DCC: variants seen among roughly 807,000 people sequenced by gnomAD.
DCC encodes netrin receptor DCC.
In DCC, 58 loss-of-function variants were observed where a neutral mutation model predicts 172.5. The ratio of observed to expected loss-of-function variants is 0.34; its 90% CI spans 0.27 to 0.42. The LOEUF is 0.42. Among genes scored for constraint, DCC ranks in the 10% least tolerant of loss-of-function variants. The probability of loss-of-function intolerance (pLI) is 1.00; values close to 1 mark genes in which losing one functional copy is unlikely to be tolerated. For synonymous variants in DCC, 709 were observed against 644.5 expected, an observed-to-expected ratio of 1.10 and a Z score of -1.52; for missense variants, 1,740 against 1,791.0, an observed-to-expected ratio of 0.97 and a Z score of 0.51.
At chr18:52,794,147 A>T (rs2145212169) in intron 2 of DCC, among the ~76,000 whole-genome samples, 1 of 152,046 alleles carries the variant, frequency 6.6e-6, no homozygotes, top group Middle Eastern at 3.4e-3. Context: ...TTGTGTTTCC[A>T]CATAAATTTT....
intron 1 of DCC, among the ~76,000 whole-genome samples, chr18:52,528,926 C>A (rs1233093426): frequency 6.6e-6 from 1 of 152,034 alleles, no homozygotes; most frequent in Non-Finnish European, 1.5e-5. Context: ...GAGTTACATG[C>A]CCAATACTTA....
At chr18:52,945,974 A>G (rs1486457197) in intron 5 of DCC, among the ~76,000 whole-genome samples, 1 of 152,180 alleles carries the variant, frequency 6.6e-6, no homozygotes, top group Non-Finnish European at 1.5e-5. Flanking sequence ...GGCCGGGGCT[A>G]AGGGGCAACT....
chr18:52,970,461 T>A (rs2041012068), intron 5 of DCC, among the ~76,000 whole-genome samples: 1 of 152,158 alleles, frequency 6.6e-6, no homozygotes, highest in Non-Finnish European at 1.5e-5. Context: ...ATAAAATGAT[T>A]TCTAAGTATG....
intron 1 of DCC, among the ~76,000 whole-genome samples, chr18:52,492,351 A>G (rs1397192818): frequency 1.3e-5 from 2 of 151,958 alleles, no homozygotes; most frequent in Non-Finnish European, 2.9e-5. Flanking sequence ...ACTCTACAAT[A>G]TTGATAAGAG....
chr18:52,655,034 G>T (rs2035218667), intron 1 of DCC, among the ~76,000 whole-genome samples: 1 of 152,116 alleles, frequency 6.6e-6, no homozygotes, highest in Non-Finnish European at 1.5e-5. Flanking sequence ...TTCCAAAGGT[G>T]AATGTACCAA....
At chr18:53,042,156 CT>C (rs1218129269) in intron 5 of DCC, among the ~76,000 whole-genome samples, 7 of 151,812 alleles carry the variant, frequency 4.6e-5, no homozygotes, top group Admixed American at 4.6e-4. Context: ...ATAAATAGAT[CT>C]TATTATTTTG....
At chr18:53,320,775 C>A (rs991474257) in intron 13 of DCC, among the ~76,000 whole-genome samples, 1 of 152,104 alleles carries the variant, frequency 6.6e-6, no homozygotes, top group Non-Finnish European at 1.5e-5. Context: ...GCTTCAGGTA[C>A]TATTGTGGGC....
rs141970845 is a variant in DCC at position 52,969,059 on chromosome 18, T to C, written c.985+43689T>C. 1.5e-3 allele frequency among the ~76,000 whole-genome samples: 236 copies of C among 152,274 alleles called. 2 individuals are homozygous for C. The highest frequency in any genetic ancestry group is 5.4e-3 in the African/African-American group (224 of 41,568). On this transcript the variant is annotated intron_variant, in intron 5 of 28. Coordinates refer to ENST00000442544, the MANE Select transcript of DCC (RefSeq NM_005215.4). ...CCTGGTCTCACTTTTCTTCTTCCTC[T>C]AGTAGCCCATCTCTAGTTATTCTTG...
intron 12 of DCC, among the ~76,000 whole-genome samples, chr18:53,218,588 A>T (rs2055887028): frequency 2.0e-5 from 3 of 152,156 alleles, no homozygotes; most frequent in African/African-American, 7.2e-5. Flanking sequence ...AACTATGAAC[A>T]CAAGTTTTTT....
intron 9 of DCC, among the ~76,000 whole-genome samples, chr18:53,181,915 A>G (rs144311619): frequency 2.1e-4 from 32 of 152,304 alleles, no homozygotes; most frequent in African/African-American, 7.5e-4. Context: ...TACCTAGTTA[A>G]TTTCTTATGC....
In DCC at chr18:53,429,054, TTATATATTTTATATATAA is replaced by T. The variant is rs1224829023; in HGVS notation, c.3164-6074_3164-6057del. On this transcript the variant is annotated intron_variant, in intron 21 of 28. Transcript: ENST00000442544. ...TAATATATATTTTATATATAATATA[TTATATATTTTATATATAA>T]TATATATTTTATATAATATATATTT... Among the ~76,000 whole-genome samples, 311 of 35,072 alleles carry T rather than the reference TTATATATTTTATATATAA, an allele frequency of 8.9e-3. 16 individuals carry two copies. Among genetic ancestry groups the T allele is most frequent in the Middle Eastern group, 0.019 (1 of 52 alleles). The allele number at this position is 35,072 out of a possible 152,430, so 23.0% of individuals were successfully genotyped here.
intron 2 of DCC, among the ~76,000 whole-genome samples, chr18:52,759,371 G>C (rs973952509): frequency 3.9e-5 from 6 of 152,094 alleles, no homozygotes; most frequent in African/African-American, 1.2e-4. Context: ...AACTTGACAA[G>C]GCTTTTTATA....
intron 1 of DCC, among the ~76,000 whole-genome samples, chr18:52,369,965 T>C (rs1026571251): frequency 3.9e-5 from 6 of 152,154 alleles, no homozygotes; most frequent in African/African-American, 1.2e-4. Flanking sequence ...CAGAGCTAAT[T>C]GCAGAAAAGA....
chr18:52,909,276 A>G (rs1157527934), intron 3 of DCC, among the ~76,000 whole-genome samples: 5 of 152,178 alleles, frequency 3.3e-5, no homozygotes, highest in Admixed American at 2.6e-4. Flanking sequence ...ATACATGCAC[A>G]TATACAAACA....
rs530029804 is a variant in DCC at position 52,448,202 on chromosome 18, G to A, written c.91+107324G>A. ...GAACCCTACTGTGAACTGCACATTC[G>A]AGGGATCGACATTGTGTGCTCCTTA... On this transcript the variant is annotated intron_variant, in intron 1 of 28. Coordinates refer to ENST00000442544, the MANE Select transcript of DCC (RefSeq NM_005215.4). Among the ~76,000 whole-genome samples the A allele has an allele frequency of 3.3e-5, 5 of 152,214 alleles. No individual in the cohort carries two copies. The South Asian group carries it at 8.3e-4, about 25-fold the overall frequency.
chr18:52,486,994 G>A (rs1490899356), intron 1 of DCC, among the ~76,000 whole-genome samples: 1 of 152,132 alleles, frequency 6.6e-6, no homozygotes, highest in Non-Finnish European at 1.5e-5. Flanking sequence ...GACTTAGAAT[G>A]TGCAACTAAG....
chr18:53,100,696 G>A (rs2043160051), intron 7 of DCC, among the ~76,000 whole-genome samples: 1 of 152,082 alleles, frequency 6.6e-6, no homozygotes, highest in African/African-American at 2.4e-5. Flanking sequence ...CGAGCTACCT[G>A]TGTAGCAGAG....
chr18:53,235,129 G>A (rs982120155), intron 12 of DCC, among the ~76,000 whole-genome samples: 2 of 152,174 alleles, frequency 1.3e-5, no homozygotes, highest in Non-Finnish European at 1.5e-5. Flanking sequence ...GGTTCATTGT[G>A]TAAGGAATAT....
At chr18:53,321,240 C>T (rs1185998136) in intron 13 of DCC, among the ~76,000 whole-genome samples, 4 of 151,916 alleles carry the variant, frequency 2.6e-5, no homozygotes, top group African/African-American at 9.7e-5. Flanking sequence ...TGTTTAATTC[C>T]TTGAGGTTTA....
Sources: gnomAD v4.1 joint callset for allele counts (sites outside exome capture counted in the v4.1 genomes callset) on GRCh38, gnomAD v4.1.1 for gene constraint, MANE v1.5 for transcripts, NCBI Gene and HGNC (gene_info 2026-07-23, HGNC 2026-07-21) for gene names.